The following COL8A1 variants were observed in gnomAD, a reference collection of about 807,000 sequenced individuals.
COL8A1 encodes collagen alpha-1(VIII) chain.
A neutral mutation model predicts 42.7 loss-of-function variants in COL8A1; 21 were observed. That is an observed-to-expected ratio of 0.49 (90% CI 0.35 to 0.71). The LOEUF (loss-of-function observed/expected upper bound fraction) is 0.71. COL8A1 is among the 30% of genes least tolerant of loss of function. The probability of loss-of-function intolerance (pLI) is 0.01; values close to 1 mark genes in which losing one functional copy is unlikely to be tolerated. For synonymous variants in COL8A1, 367 were observed against 369.1 expected (o/e 0.99, Z 0.06); for missense variants, 788 against 962.4 (o/e 0.82, Z 2.40).
At chr3:99,648,953 C>G (rs1404458029) in intron 1 of COL8A1, among the ~76,000 whole-genome samples, 1 of 152,116 alleles carries the variant, frequency 6.6e-6, no homozygotes, top group East Asian at 1.9e-4. Flanking sequence ...ATACCTCAAG[C>G]CCTTCCTTTA....
At chr3:99,730,481 A>G (rs1356287442) in intron 1 of COL8A1, among the ~76,000 whole-genome samples, 1 of 152,136 alleles carries the variant, frequency 6.6e-6, no homozygotes, top group Non-Finnish European at 1.5e-5. Context: ...CCAGCCACTA[A>G]GTTTCCTGCA....
At chr3:99,734,917 G>A (rs1189573615) in intron 1 of COL8A1, among the ~76,000 whole-genome samples, 1 of 151,778 alleles carries the variant, frequency 6.6e-6, no homozygotes, top group Non-Finnish European at 1.5e-5. Flanking sequence ...AAGCAATTGT[G>A]AATGGGAGTT....
intron 1 of COL8A1, among the ~76,000 whole-genome samples, chr3:99,731,589 A>T (rs969215922): frequency 2.4e-4 from 36 of 152,116 alleles, no homozygotes; most frequent in African/African-American, 7.7e-4. Flanking sequence ...CCATGATCTG[A>T]TCTACATTTT....
intron 2 of COL8A1, among the ~76,000 whole-genome samples, chr3:99,775,104 C>T (rs533113943): frequency 6.6e-6 from 1 of 152,274 alleles, no homozygotes; most frequent in East Asian, 1.9e-4. Context: ...AGGTCTCCTG[C>T]CCCTTGGATT....
chr3:99,661,672 A>G (rs1938210995), intron 1 of COL8A1, among the ~76,000 whole-genome samples: 1 of 152,232 alleles, frequency 6.6e-6, no homozygotes, highest in South Asian at 2.1e-4. Flanking sequence ...TTTACAATCC[A>G]TGTTCATGGC....
chr3:99,751,445 C>T (rs1941146524), intron 2 of COL8A1, among the ~76,000 whole-genome samples: 1 of 152,096 alleles, frequency 6.6e-6, no homozygotes, highest in Non-Finnish European at 1.5e-5. Flanking sequence ...GTAATCCCAG[C>T]TACTTGGGAG....
intron 2 of COL8A1, among the ~76,000 whole-genome samples, chr3:99,762,190 G>A (rs1278984862): frequency 6.6e-6 from 1 of 152,154 alleles, no homozygotes; most frequent in African/African-American, 2.4e-5. Context: ...GCTCTCCTCT[G>A]CTCTTGTATT....
intron 2 of COL8A1, among the ~76,000 whole-genome samples, chr3:99,769,615 A>G (rs1941538464): frequency 6.6e-6 from 1 of 152,128 alleles, no homozygotes; most frequent in Admixed American, 6.5e-5. Flanking sequence ...TTTCACTGGG[A>G]CCCCTGTAAC....
At chr3:99,669,144 TATAGAGGG>T (rs1211943696) in intron 1 of COL8A1, among the ~76,000 whole-genome samples, 3 of 100,018 alleles carry the variant, frequency 3.0e-5, no homozygotes, top group East Asian at 3.0e-4. Context: ...TATATATATA[TATAGAGGG>T]AGAGAGAGAG....
intron 2 of COL8A1, among the ~76,000 whole-genome samples, chr3:99,778,299 T>A (rs1259140334): frequency 1.3e-5 from 2 of 152,126 alleles, no homozygotes; most frequent in Non-Finnish European, 2.9e-5. Flanking sequence ...GACCTAAAAG[T>A]AACACTGGGG....
At chr3:99,777,609 T>C (rs1941719006) in intron 2 of COL8A1, among the ~76,000 whole-genome samples, 1 of 152,208 alleles carries the variant, frequency 6.6e-6, no homozygotes, top group Admixed American at 6.5e-5. Context: ...TGTAAATATC[T>C]TTCCAATGGG....
chr3:99,727,399 C>T (rs1940366494), intron 1 of COL8A1, among the ~76,000 whole-genome samples: 2 of 152,024 alleles, frequency 1.3e-5, no homozygotes, highest in Non-Finnish European at 2.9e-5. Context: ...ATTGAATACC[C>T]TTTATTTCCT....
intron 1 of COL8A1, among the ~76,000 whole-genome samples, chr3:99,713,662 C>T (rs375875526): frequency 5.3e-4 from 80 of 152,146 alleles, no homozygotes; most frequent in South Asian, 1.7e-3. Flanking sequence ...CCTTGCCAGA[C>T]GGCTGTCATG....
chr3:99,719,625 C>T (rs1940093337), intron 1 of COL8A1, among the ~76,000 whole-genome samples: 1 of 152,118 alleles, frequency 6.6e-6, no homozygotes, highest in Non-Finnish European at 1.5e-5. Context: ...GAGGAAATGA[C>T]ATCCAGGCTG....
chr3:99,713,974 G>GA (rs1939919352), intron 1 of COL8A1, among the ~76,000 whole-genome samples: 1 of 151,924 alleles, frequency 6.6e-6, no homozygotes, highest in African/African-American at 2.4e-5. Context: ...GAGGGGAGGA[G>GA]AAAAAGACAT....
At chr3:99,740,162 G>C (rs1429839811) in intron 1 of COL8A1, among the ~76,000 whole-genome samples, 1 of 152,124 alleles carries the variant, frequency 6.6e-6, no homozygotes. Context: ...ATTACTATCA[G>C]CATTTTGGTC....
intron 1 of COL8A1, among the ~76,000 whole-genome samples, chr3:99,710,035 A>G (rs1939791611): frequency 6.6e-6 from 1 of 152,178 alleles, no homozygotes; most frequent in East Asian, 1.9e-4. Flanking sequence ...TTTTTAAACC[A>G]TACACTCATT....
chr3:99,742,815 A>T (rs1940930429), intron 1 of COL8A1, among the ~76,000 whole-genome samples: 1 of 152,230 alleles, frequency 6.6e-6, no homozygotes, highest in Non-Finnish European at 1.5e-5. Context: ...CATAACAGTG[A>T]TCTTCAGCAT....
intron 1 of COL8A1, among the ~76,000 whole-genome samples, chr3:99,649,427 T>C (rs940929072): frequency 8.5e-5 from 13 of 152,070 alleles, no homozygotes; most frequent in Non-Finnish European, 1.9e-4. Context: ...TGACGGTGAA[T>C]AAAGATTTTA....
Sources: allele counts gnomAD v4.1 joint callset (sites outside exome capture counted in the v4.1 genomes callset), GRCh38; gene constraint gnomAD v4.1.1; transcripts MANE v1.5; gene names NCBI Gene and HGNC (gene_info 2026-07-23, HGNC 2026-07-21).